The following SYNE1 variants were observed in gnomAD, a reference collection of about 807,000 sequenced individuals.
The protein encoded by SYNE1 is spectrin repeat containing nuclear envelope protein 1.
A neutral mutation model predicts 1,111.0 loss-of-function variants in SYNE1; 616 were observed. The observed-to-expected ratio is 0.55, with a 90% CI of 0.52 to 0.59. The LOEUF is 0.59. Ranked by LOEUF, SYNE1 falls within the 20% of genes least tolerant of loss-of-function variation. The pLI is 0.00. For missense variants in SYNE1, 10,006 were observed against 10,417.0 expected (o/e 0.96, Z 1.72); for synonymous variants, 3,855 against 3,825.8 (o/e 1.01, Z -0.28).
chr6:152,488,254 A>C, intron 12 of SYNE1, 142 bp downstream of exon 12: 2 of 596,934 alleles, frequency 3.4e-6, no homozygotes, highest in Non-Finnish European at 5.9e-6. Context: ...AATTATATGC[A>C]AACTTAGGGT....
intron 65 of SYNE1, among the ~76,000 whole-genome samples, 171 bp from the exon 66 acceptor site, chr6:152,358,708 T>C (rs1354048278): frequency 6.6e-6 from 1 of 152,206 alleles, no homozygotes; most frequent in African/African-American, 2.4e-5. Context: ...TATAAAAACC[T>C]AATATTTCAG....
At chr6:152,142,107 A>G (rs1562971630) in intron 138 of SYNE1, among the ~76,000 whole-genome samples, 2 of 152,200 alleles carry the variant, frequency 1.3e-5, no homozygotes, top group Non-Finnish European at 2.9e-5. Flanking sequence ...GCAAAGTTCA[A>G]AAACATGCCT....
At chr6:152,461,100 T>C (rs182480) in intron 21 of SYNE1, among the ~76,000 whole-genome samples, 79,586 of 151,974 alleles carry the variant, frequency 0.52, 22,737 homozygotes, top group East Asian at 0.76. Context: ...CGTGAGCCAC[T>C]GCACCTGGCC....
chr6:152,603,548 T>C (rs1173979637), intron 3 of SYNE1, among the ~76,000 whole-genome samples: 1 of 152,004 alleles, frequency 6.6e-6, no homozygotes, highest in African/African-American at 2.4e-5. Context: ...TTATTCTGTT[T>C]CTGGGTTAGG....
chr6:152,362,524 T>G (rs1033632764), intron 63 of SYNE1, among the ~76,000 whole-genome samples: 3 of 152,028 alleles, frequency 2.0e-5, no homozygotes, highest in African/African-American at 7.2e-5. Context: ...AAGGAACATT[T>G]AAACCCAGGC....
intron 21 of SYNE1, 57 bp from the exon 22 acceptor site, chr6:152,458,987 G>A: frequency 6.7e-7 from 1 of 1,500,552 alleles, no homozygotes; most frequent in Non-Finnish European, 9.3e-7. Flanking sequence ...CACTAGCTCA[G>A]GGAACGTTCA....
At chr6:152,546,506 A>C (rs1179036635) in intron 3 of SYNE1, 3 of 152,178 alleles carry the variant, frequency 2.0e-5, no homozygotes. Flanking sequence ...AGAGGACTTG[A>C]GATTCCACTT....
chr6:152,455,807 A>G (rs2098691989), intron 23 of SYNE1, 79 bp downstream of exon 23: 1 of 1,603,522 alleles, frequency 6.2e-7, no homozygotes. Flanking sequence ...TAGCAAGACC[A>G]AAAGCACGAG....
chr6:152,629,799 T>C (rs969387923), intron 2 of SYNE1, among the ~76,000 whole-genome samples: 3 of 151,482 alleles, frequency 2.0e-5, no homozygotes, highest in Non-Finnish European at 2.9e-5. Flanking sequence ...TAGGTTATGA[T>C]GATGAAGGTT....
chr6:152,636,800 G>A lies in SYNE1; in HGVS notation c.-386C>T, dbSNP rs954620227. On this transcript the variant is annotated 5_prime_UTR_variant, in exon 2 of 146. Coordinates refer to ENST00000367255, the MANE Select transcript of SYNE1 (RefSeq NM_182961.4). ...CGGTCTGCAGGACTGCGGGAGCCCA[G>A]CCGCCCTGGTGACAGAGGACAACAA... 6.6e-6 allele frequency: 1 copy of A among 152,190 alleles called. No individual in the cohort carries two copies. Among genetic ancestry groups the A allele is most frequent in the East Asian group, 1.9e-4 (1 of 5,162 alleles). The allele number at this position is 152,190 out of a possible 1,614,324, so 9.4% of individuals were successfully genotyped here.
chr6:152,578,660 C>G (rs750400168), intron 3 of SYNE1, among the ~76,000 whole-genome samples: 1 of 152,108 alleles, frequency 6.6e-6, no homozygotes, highest in Non-Finnish European at 1.5e-5. Flanking sequence ...CAGTATCTAA[C>G]TTTGATTTCA....
At chr6:152,281,706 A>C (rs1445899258) in intron 97 of SYNE1, 101 bp downstream of exon 97, 4 of 1,294,070 alleles carry the variant, frequency 3.1e-6, no homozygotes, top group Non-Finnish European at 4.4e-6. Flanking sequence ...GGGTTGGGAA[A>C]AATCATATAT....
intron 3 of SYNE1, among the ~76,000 whole-genome samples, chr6:152,625,302 C>A (rs1272069566): frequency 6.6e-6 from 1 of 152,138 alleles, no homozygotes; most frequent in East Asian, 1.9e-4. Flanking sequence ...GGACTTAAAG[C>A]ATTAGTAAAT....
intron 127 of SYNE1, among the ~76,000 whole-genome samples, chr6:152,200,768 T>C (rs2075252588): frequency 6.6e-6 from 1 of 152,236 alleles, no homozygotes; most frequent in South Asian, 2.1e-4. Flanking sequence ...TGCATACTTC[T>C]GAATGTAACA....
intron 115 of SYNE1, among the ~76,000 whole-genome samples, chr6:152,229,407 C>T (rs4142056): frequency 0.64 from 97,978 of 152,040 alleles, 31,979 homozygotes; most frequent in East Asian, 0.78. Flanking sequence ...ACATTTGGAA[C>T]GTTACTGCTT....
At chr6:152,444,604 ACGT>A in intron 29 of SYNE1, 26 bp from the exon 30 acceptor site, 1 of 1,557,476 alleles carries the variant, frequency 6.4e-7, no homozygotes, top group Non-Finnish European at 8.8e-7. Flanking sequence ...AAAAAAAAAC[ACGT>A]AAATCATATG....
intron 130 of SYNE1, chr6:152,168,468 C>A: frequency 2.3e-6 from 1 of 437,842 alleles, no homozygotes; most frequent in Non-Finnish European, 4.1e-6. Context: ...TCAGTGTAAT[C>A]TGTAAGGAGG....
In SYNE1 at chr6:152,488,514, G is replaced by A. The variant is rs2098953139; in HGVS notation, c.940-11C>T. 2.1e-6 allele frequency: 3 copies of A among 1,410,230 alleles called. No individual in the cohort carries two copies. The East Asian group carries it at 6.9e-5, about 32-fold the overall frequency. The allele number at this position is 1,410,230 out of a possible 1,614,324, so 87.4% of individuals were successfully genotyped here. On this transcript the variant is annotated splice_polypyrimidine_tract_variant and intron_variant, in intron 11 of 145. Coordinates refer to ENST00000367255, the MANE Select transcript of SYNE1 (RefSeq NM_182961.4). ...TACTCTGTCTTCTCTCTGGAAATGA[G>A]GAGACATTACAATTTTATTAGTATC...
chr6:152,438,978 G>A lies in SYNE1; in HGVS notation c.4149+2152C>T, dbSNP rs539198671. Among the ~76,000 whole-genome samples the A allele has an allele frequency of 7.0e-4, 107 of 152,276 alleles. 1 individual carries two copies. In the South Asian group the frequency reaches 0.02, roughly 28 times the overall value. ...TCCCAACCTCACTATTTAGTGATCC[G>A]CAGATCTTGAGTGAGTTCATCACCA... On this transcript the variant is annotated intron_variant, in intron 32 of 145. Coordinates refer to ENST00000367255, the MANE Select transcript of SYNE1 (RefSeq NM_182961.4).
Sources: allele counts gnomAD v4.1 joint callset (sites outside exome capture counted in the v4.1 genomes callset), GRCh38; gene constraint gnomAD v4.1.1; transcripts MANE v1.5; gene names NCBI Gene and HGNC (gene_info 2026-07-23, HGNC 2026-07-21).